The following DIAPH3 variants were observed in gnomAD, a reference collection of about 807,000 sequenced individuals.
The protein encoded by DIAPH3 is protein diaphanous homolog 3.
In DIAPH3, 117 loss-of-function variants were observed where a neutral mutation model predicts 144.3. The observed-to-expected ratio is 0.81, with a 90% CI of 0.70 to 0.95. DIAPH3 has a LOEUF of 0.95. Ranked by LOEUF, DIAPH3 falls within the 40% of genes least tolerant of loss-of-function variation. DIAPH3 has a pLI of 0.00. For synonymous variants in DIAPH3, 519 were observed against 488.9 expected (o/e 1.06, Z -0.81); for missense variants, 1,421 against 1,412.7 (o/e 1.01, Z -0.09).
intron 22 of DIAPH3, among the ~76,000 whole-genome samples, chr13:59,847,136 T>C (rs1213644257): frequency 3.9e-5 from 6 of 152,198 alleles, no homozygotes; most frequent in Non-Finnish European, 7.4e-5. Flanking sequence ...CCTCATCAAG[T>C]AGTTGTACCT....
At chr13:59,751,285 A>G (rs2036995053) in intron 27 of DIAPH3, among the ~76,000 whole-genome samples, 1 of 152,240 alleles carries the variant, frequency 6.6e-6, no homozygotes, top group African/African-American at 2.4e-5. Flanking sequence ...CTCTCGCTTC[A>G]TGGCACAAAG....
chr13:59,912,747 C>A (rs1263905767), intron 19 of DIAPH3, among the ~76,000 whole-genome samples: 1 of 152,120 alleles, frequency 6.6e-6, no homozygotes, highest in African/African-American at 2.4e-5. Context: ...AAGTTGAATA[C>A]AAACTATAAT....
At chr13:60,111,663 C>T (rs1485208561) in intron 3 of DIAPH3, among the ~76,000 whole-genome samples, 1 of 152,156 alleles carries the variant, frequency 6.6e-6, no homozygotes. Context: ...ATCTCCACCA[C>T]CCCCCAAACG....
At chr13:59,852,831 C>G (rs2043056319) in intron 22 of DIAPH3, among the ~76,000 whole-genome samples, 1 of 152,156 alleles carries the variant, frequency 6.6e-6, no homozygotes. Flanking sequence ...TATTAAAATT[C>G]TATACTAACA....
chr13:60,087,992 T>A (rs988866721), intron 4 of DIAPH3, among the ~76,000 whole-genome samples: 2 of 152,098 alleles, frequency 1.3e-5, no homozygotes, highest in African/African-American at 4.8e-5. Context: ...CAGAAGGGCT[T>A]TTAATTAGAA....
At chr13:60,145,604 G>A (rs545263793) in intron 1 of DIAPH3, among the ~76,000 whole-genome samples, 3 of 152,314 alleles carry the variant, frequency 2.0e-5, no homozygotes, top group South Asian at 2.1e-4. Flanking sequence ...AGCTGAGATC[G>A]TGCCACTGCA....
chr13:59,867,852 C>T (rs932095561), intron 21 of DIAPH3, among the ~76,000 whole-genome samples: 1 of 151,892 alleles, frequency 6.6e-6, no homozygotes, highest in Non-Finnish European at 1.5e-5. Context: ...TCATAACAGG[C>T]AAATGGGAAA....
chr13:59,757,205 A>C (rs186452483), intron 27 of DIAPH3, among the ~76,000 whole-genome samples: 1 of 152,158 alleles, frequency 6.6e-6, no homozygotes, highest in African/African-American at 2.4e-5. Context: ...GGCTGCTGGT[A>C]GGAGTATAAT....
chr13:59,973,805 C>T (rs755700720), intron 15 of DIAPH3, among the ~76,000 whole-genome samples: 6 of 152,062 alleles, frequency 3.9e-5, no homozygotes, highest in Admixed American at 6.6e-5. Flanking sequence ...ATGCAGATGA[C>T]GTATTTCTTG....
intron 27 of DIAPH3, among the ~76,000 whole-genome samples, chr13:59,750,834 C>G (rs571173078): frequency 2.0e-4 from 31 of 152,338 alleles, no homozygotes; most frequent in African/African-American, 6.7e-4. Flanking sequence ...ATGCCTAGCA[C>G]CTACCTCTGA....
intron 17 of DIAPH3, among the ~76,000 whole-genome samples, chr13:59,937,290 T>C (rs547871717): frequency 2.6e-5 from 4 of 152,322 alleles, no homozygotes; most frequent in South Asian, 2.1e-4. Flanking sequence ...TGAAAGTTAA[T>C]GTATGACATA....
chr13:59,705,080 A>AT (rs917020750), intron 27 of DIAPH3, among the ~76,000 whole-genome samples: 18 of 151,990 alleles, frequency 1.2e-4, no homozygotes, highest in African/African-American at 1.9e-4. Flanking sequence ...AGAAAACAGA[A>AT]TTTTTTTTAC....
intron 4 of DIAPH3, among the ~76,000 whole-genome samples, chr13:60,073,856 TATTA>T (rs2057293957): frequency 6.6e-6 from 1 of 152,362 alleles, no homozygotes; most frequent in African/African-American, 2.4e-5. Context: ...AACAGCATGC[TATTA>T]GCTCTGCTGA....
In DIAPH3 at chr13:59,739,579, T is replaced by C. The variant is rs117817927; in HGVS notation, c.3319+34610A>G. Reference sequence around the variant, plus strand: ...GCATTTTGTGAACTGCTTTTACATATAGAACTTATTTAGTAACCACAGACA... The same window carrying C: ...GCATTTTGTGAACTGCTTTTACATACAGAACTTATTTAGTAACCACAGACA... On this transcript the variant is annotated intron_variant, in intron 27 of 27. Coordinates refer to ENST00000400324, the MANE Select transcript of DIAPH3 (RefSeq NM_001042517.2). Among the ~76,000 whole-genome samples the C allele has an allele frequency of 9.3e-3, 1,411 of 152,190 alleles. 25 individuals are homozygous for C. Among genetic ancestry groups the C allele is most frequent in the Non-Finnish European group, 0.01 (688 of 68,010 alleles).
chr13:59,999,977 A>C (rs1413526120), intron 9 of DIAPH3, among the ~76,000 whole-genome samples: 3 of 152,138 alleles, frequency 2.0e-5, no homozygotes, highest in African/African-American at 7.2e-5. Context: ...AGCTTAATCA[A>C]ATTTCTTATT....
intron 20 of DIAPH3, among the ~76,000 whole-genome samples, chr13:59,880,540 T>C (rs1289108070): frequency 1.3e-5 from 2 of 152,114 alleles, no homozygotes; most frequent in Non-Finnish European, 2.9e-5. Context: ...AAAATCATGA[T>C]TGTTTGGGAT....
At chr13:60,132,167 G>A (rs1337643) in intron 2 of DIAPH3, among the ~76,000 whole-genome samples, 114,784 of 152,082 alleles carry the variant, frequency 0.75, 43,447 homozygotes, top group Admixed American at 0.81. Context: ...CGTTTCATTC[G>A]TCTTTGTATT....
At chr13:59,737,037 A>G (rs908300795) in intron 27 of DIAPH3, among the ~76,000 whole-genome samples, 6 of 152,180 alleles carry the variant, frequency 3.9e-5, no homozygotes, top group African/African-American at 1.2e-4. Context: ...AAAAACGAAA[A>G]CCATAAAAAC....
In DIAPH3 at chr13:59,834,370, A is replaced by G. The variant is rs1381591317; in HGVS notation, c.2863-1099T>C. Among the ~76,000 whole-genome samples, 4 of 151,864 alleles carry G rather than the reference A, an allele frequency of 2.6e-5. No homozygotes were observed. In the South Asian group the frequency reaches 8.3e-4, roughly 31 times the overall value. ...GTCCTTTTACTAACTTTGACTAGCCATTAGCAAAATTTAAAACAAATAAAA... is the reference window on the plus strand; with the variant it reads ...GTCCTTTTACTAACTTTGACTAGCCGTTAGCAAAATTTAAAACAAATAAAA... On this transcript the variant is annotated intron_variant, in intron 23 of 27. Coordinates refer to ENST00000400324, the MANE Select transcript of DIAPH3 (RefSeq NM_001042517.2).
Sources: allele counts gnomAD v4.1 joint callset (sites outside exome capture counted in the v4.1 genomes callset), GRCh38; gene constraint gnomAD v4.1.1; transcripts MANE v1.5; gene names NCBI Gene and HGNC (gene_info 2026-07-23, HGNC 2026-07-21).